The following SHANK2 variants were observed in gnomAD, a reference collection of about 807,000 sequenced individuals.
The protein encoded by SHANK2 is SH3 and multiple ankyrin repeat domains 2.
Under a neutral mutation model 133.7 loss-of-function variants are expected in SHANK2, and 43 were observed. The ratio of observed to expected loss-of-function variants is 0.32; its 90% confidence interval spans 0.25 to 0.41. The LOEUF (loss-of-function observed/expected upper bound fraction) is 0.41. Among genes scored for constraint, SHANK2 ranks in the 10% least tolerant of loss-of-function variants. The pLI, the probability that SHANK2 is intolerant of heterozygous loss-of-function variation, is 1.00. For synonymous variants in SHANK2, 1,017 were observed against 952.8 expected (o/e 1.07, Z -1.24); for missense variants, 1,994 against 2,235.8 (o/e 0.89, Z 2.18).
chr11:70,875,293 C>G (rs1172220633), intron 11 of SHANK2, among the ~76,000 whole-genome samples: 1 of 152,036 alleles, frequency 6.6e-6, no homozygotes, highest in East Asian at 1.9e-4. Flanking sequence ...CCCAGTAGAG[C>G]TCTGCTTTCG....
chr11:70,652,142 C>T (rs1247521803), intron 17 of SHANK2, among the ~76,000 whole-genome samples: 3 of 152,228 alleles, frequency 2.0e-5, no homozygotes, highest in Non-Finnish European at 4.4e-5. Flanking sequence ...AAAAGCCAGA[C>T]CCATGCCAAC....
chr11:71,114,271 A>G (rs1391875305), intron 4 of SHANK2, among the ~76,000 whole-genome samples: 6 of 152,124 alleles, frequency 3.9e-5, no homozygotes, highest in African/African-American at 1.4e-4. Flanking sequence ...AGACAAGTCC[A>G]CTTTATCTCT....
chr11:70,936,415 G>A (rs1295408732), intron 10 of SHANK2, among the ~76,000 whole-genome samples: 3 of 152,126 alleles, frequency 2.0e-5, no homozygotes, highest in African/African-American at 4.8e-5. Flanking sequence ...GGGAGGCTGA[G>A]GCAGGAGAAT....
intron 10 of SHANK2, chr11:70,910,948 C>T: frequency 2.2e-6 from 1 of 456,462 alleles, no homozygotes; most frequent in South Asian, 1.5e-5. Flanking sequence ...GGCACATGTG[C>T]ACATAATTCG....
At chr11:71,100,851 A>T (rs1555096522) in intron 6 of SHANK2, among the ~76,000 whole-genome samples, 1 of 148,098 alleles carries the variant, frequency 6.8e-6, no homozygotes. Flanking sequence ...TGGGTGACAC[A>T]GCAAGACTCC....
intron 11 of SHANK2, among the ~76,000 whole-genome samples, chr11:70,834,913 G>A (rs1948788777): frequency 6.6e-6 from 1 of 151,992 alleles, no homozygotes; most frequent in African/African-American, 2.4e-5. Context: ...AAAGGGGCTG[G>A]GGGTGTAACT....
At chr11:70,672,759 A>G (rs7104178) in intron 15 of SHANK2, among the ~76,000 whole-genome samples, 89,620 of 152,192 alleles carry the variant, frequency 0.59, 26,782 homozygotes, top group Non-Finnish European at 0.64. Flanking sequence ...CCAGTAGCAC[A>G]TGAGTGCCCC....
intron 14 of SHANK2, among the ~76,000 whole-genome samples, chr11:70,777,521 A>G (rs1256945164): frequency 6.6e-6 from 1 of 151,534 alleles, no homozygotes; most frequent in Non-Finnish European, 1.5e-5. Context: ...CTATCCATTC[A>G]TCCATCCATC....
chr11:70,525,867 C>T (rs2059389480), intron 17 of SHANK2, among the ~76,000 whole-genome samples: 1 of 151,976 alleles, frequency 6.6e-6, no homozygotes, highest in African/African-American at 2.4e-5. Flanking sequence ...TTCCCCCTCC[C>T]TGCTCTGTGA....
At chr11:70,911,977 G>A (rs1217246106) in intron 10 of SHANK2, among the ~76,000 whole-genome samples, 1 of 150,714 alleles carries the variant, frequency 6.6e-6, no homozygotes, top group Non-Finnish European at 1.5e-5. Context: ...AGCTACTTGG[G>A]AGGCTGAGGC....
rs1949680650 is a variant in SHANK2, at chr11:70,882,994, G to A, written c.1174+13507C>T. Among the ~76,000 whole-genome samples the A allele has an allele frequency of 6.6e-6, 1 of 152,182 alleles. No individual in the cohort carries two copies. Among genetic ancestry groups the A allele is most frequent in the African/African-American group, 2.4e-5 (1 of 41,438 alleles). On this transcript the variant is annotated intron_variant, in intron 11 of 25. Coordinates refer to ENST00000601538, the MANE Select transcript of SHANK2 (RefSeq NM_012309.5). This position sits in a 1 kb window ranked among gnomAD's most constrained non-coding sequence, Gnocchi z 4.2. The stretch of plus-strand genomic sequence containing the variant: ...CAGGAGCCAGGGTCCCAGAGGTCAA[G>A]GTGGCAGAGAGAGAAGCAGTGTTAT...
chr11:70,749,825 T>C (rs1271384643), intron 14 of SHANK2, among the ~76,000 whole-genome samples: 1 of 150,656 alleles, frequency 6.6e-6, no homozygotes, highest in African/African-American at 2.4e-5. Context: ...AAAAAAAGAC[T>C]GAAAAAAAAA....
rs563421999 is a variant in SHANK2, at chr11:70,703,564, C to T, written c.1778-4801G>A. Among the ~76,000 whole-genome samples the T allele has an allele frequency of 4.6e-5, 7 of 152,300 alleles. No homozygotes were observed. In the South Asian group the frequency reaches 1.4e-3, roughly 32 times the overall value. Reference sequence around the variant, plus strand: ...TGTGCACTGCGCTGAGAGGCAAGGGCTGCTGGGCTGCCCCTTCCCAAGGCT... The same window carrying T: ...TGTGCACTGCGCTGAGAGGCAAGGGTTGCTGGGCTGCCCCTTCCCAAGGCT... On this transcript the variant is annotated intron_variant, in intron 14 of 25. Transcript: ENST00000601538.
At chr11:70,661,845 G>C (rs1944549607) in intron 15 of SHANK2, 167 bp from the exon 16 acceptor site, 1 of 1,591,094 alleles carries the variant, frequency 6.3e-7, no homozygotes, top group East Asian at 2.2e-5. Flanking sequence ...GAGGAGCGAA[G>C]GAAGAGGGGG....
At chr11:70,902,414 T>C (rs888554036) in intron 10 of SHANK2, among the ~76,000 whole-genome samples, 3 of 152,250 alleles carry the variant, frequency 2.0e-5, no homozygotes, top group African/African-American at 7.2e-5. Flanking sequence ...CTCAGCCAAG[T>C]GTGCGGCCGA....
At chr11:70,896,721 C>T (rs1359029937) in intron 10 of SHANK2, among the ~76,000 whole-genome samples, 154 bp from the exon 11 acceptor site, 2 of 152,230 alleles carry the variant, frequency 1.3e-5, no homozygotes, top group African/African-American at 4.8e-5. Context: ...ACTCACCTTG[C>T]CAACCACCAC....
intron 1 of SHANK2, among the ~76,000 whole-genome samples, chr11:71,230,364 G>A (rs528870362): frequency 6.6e-6 from 1 of 151,858 alleles, no homozygotes; most frequent in South Asian, 2.1e-4. Flanking sequence ...GGTGGATCAC[G>A]AGGTCAGGAT....
At chr11:70,785,190 A>G (rs1263953495) in intron 14 of SHANK2, among the ~76,000 whole-genome samples, 2 of 152,144 alleles carry the variant, frequency 1.3e-5, no homozygotes, top group Non-Finnish European at 2.9e-5. Context: ...AGGAGGGGAC[A>G]GGAGACCTGC....
Position 70,473,271 on chromosome 11 carries a change from C to T in SHANK2, c.5148G>A (p.Glu1716=), listed in dbSNP as rs782222558. The change falls in exon 26 of 26, where the codon GAG becomes GAA. Residue 1716 remains glutamate (E), a synonymous_variant. Transcript: ENST00000601538. The surrounding 1 kb of genome is among the most constrained non-coding windows in gnomAD (Gnocchi z 5.9). ...GGGCGGGCAGGGTCTCTTTGTTCAT[C>T]TCTGTTGGCGAGACCACAGGGCTTG... ...RAPSPVVSPT[E]MNKETLPAPL... The T allele has an allele frequency of 6.2e-7, 1 of 1,612,810 alleles. No homozygotes were observed. The highest frequency in any genetic ancestry group is 8.5e-7 in the Non-Finnish European group (1 of 1,178,934).
Sources: gnomAD v4.1 joint callset for allele counts (sites outside exome capture counted in the v4.1 genomes callset) on GRCh38, gnomAD v4.1.1 for gene constraint, Gnocchi (gnomAD v3.1) non-coding constraint, MANE v1.5 for transcripts, NCBI Gene and HGNC (gene_info 2026-07-23, HGNC 2026-07-21) for gene names.